The following PCF11 variants were observed in gnomAD, a reference collection of about 807,000 sequenced individuals.
PCF11 encodes PCF11 cleavage and polyadenylation factor subunit, also known as pre-mRNA cleavage complex 2 protein Pcf11.
A neutral mutation model predicts 166.1 loss-of-function variants in PCF11; 19 were observed. The ratio of observed to expected loss-of-function variants is 0.11; its 90% confidence interval spans 0.08 to 0.17. The LOEUF (loss-of-function observed/expected upper bound fraction) is 0.17, where lower values mean the gene tolerates loss of function less well. Ranked by LOEUF, PCF11 falls within the 10% of genes least tolerant of loss-of-function variation. The probability of loss-of-function intolerance (pLI) is 1.00; values close to 1 mark genes in which losing one functional copy is unlikely to be tolerated. For missense variants in PCF11, 1,565 were observed against 1,855.5 expected, an observed-to-expected ratio of 0.84 and a Z score of 2.88; for synonymous variants, 663 against 644.1, an observed-to-expected ratio of 1.03 and a Z score of -0.44.
At chr11:83,184,791 A>C (rs906144124) in exon 16 of PCF11, 1 of 1,610,060 alleles carries the variant, frequency 6.2e-7, no homozygotes, top group Non-Finnish European at 8.5e-7. Flanking sequence ...GACAGTCCCA[A>C]AGTTAAGGAA....
rs139072782 is a variant in PCF11 at position 83,161,519 on chromosome 11, T to G, written c.318+67T>G. The G allele has an allele frequency of 1.7e-3, 2,086 of 1,256,188 alleles. 31 individuals are homozygous for G. The African/African-American group carries it at 0.03, about 18-fold the overall frequency. 77.8% of individuals were successfully genotyped at this position (1,256,188 alleles called of 1,614,324 possible). The stretch of plus-strand genomic sequence containing the variant: ...ATGTGTTCCTGATTAAATAAATATT[T>G]GCTTTGTGTTGGGTTTTCTTGGGTG... On this transcript the variant is annotated intron_variant, in intron 2 of 15. Coordinates refer to ENST00000298281, the Ensembl canonical transcript of PCF11.
chr11:83,177,087 G>T, exon 10 of PCF11: 1 of 1,479,146 alleles, frequency 6.8e-7, no homozygotes, highest in Admixed American at 2.7e-5. Context: ...TTTGTTAGGA[G>T]CCCTCCCTAA....
chr11:83,164,468 G>A (rs1283961870), intron 4 of PCF11, 67 bp downstream of exon 4: 2 of 1,164,308 alleles, frequency 1.7e-6, no homozygotes, highest in South Asian at 1.5e-5. Flanking sequence ...TAATGTTTAT[G>A]TTTGAATTTT....
Position 83,184,856 on chromosome 11 carries a change from G to T in PCF11, c.4630G>T (p.Glu1544Ter). 6.4e-7 allele frequency: 1 copy of T among 1,572,518 alleles called. No individual in the cohort carries two copies. The highest frequency in any genetic ancestry group is 8.6e-7 in the Non-Finnish European group (1 of 1,167,200). ...AGAGGAAAGCATAGCAACACCCTCT[G>T]AAATTAAAACAGAAAATGACACAGT... The change falls in exon 16 of 16, where the codon GAA (glutamate) becomes TAA (stop). Residue 1544 changes from glutamate to a stop codon, truncating the protein, a stop_gained. Transcript: ENST00000298281. LOFTEE classifies it high-confidence loss of function.
chr11:83,159,835 C>A (rs1860160346), intron 1 of PCF11, among the ~76,000 whole-genome samples: 2 of 152,096 alleles, frequency 1.3e-5, no homozygotes. Context: ...TTTGACTCCT[C>A]CCAAGAGAGA....
exon 8 of PCF11, chr11:83,169,409 G>A (rs2135428765): frequency 1.2e-6 from 2 of 1,613,812 alleles, no homozygotes; most frequent in East Asian, 4.5e-5. Flanking sequence ...GGGCCTCTGG[G>A]TCAAGGTGGT....
chr11:83,182,078 A>G (rs950266822), intron 13 of PCF11, 69 bp downstream of exon 13: 3 of 1,218,498 alleles, frequency 2.5e-6, no homozygotes, highest in Admixed American at 5.3e-5. Context: ...AAATACTCAT[A>G]AACACATCAC....
chr11:83,177,038 A>C, intron 9 of PCF11, 47 bp from the exon 10 acceptor site: 1 of 1,363,070 alleles, frequency 7.3e-7, no homozygotes. Flanking sequence ...TAAGTTCTAC[A>C]TTCACTTCAA....
At chr11:83,157,790 C>G (rs1860051117) in intron 1 of PCF11, 159 bp downstream of exon 1, 4 of 650,504 alleles carry the variant, frequency 6.1e-6, no homozygotes, top group Middle Eastern at 2.6e-4. Context: ...GCCCAGGCTT[C>G]GAGCATGGGC....
chr11:83,162,057 T>C (rs1327014393), intron 2 of PCF11, among the ~76,000 whole-genome samples: 1 of 152,232 alleles, frequency 6.6e-6, no homozygotes, highest in Non-Finnish European at 1.5e-5. Context: ...TTAGGCTTAT[T>C]TTTCATATCT....
exon 16 of PCF11, chr11:83,184,694 T>C (rs751705373): frequency 1.2e-6 from 2 of 1,610,710 alleles, no homozygotes; most frequent in African/African-American, 1.3e-5. Flanking sequence ...TTCATTTGAT[T>C]GTACACCATC....
At chr11:83,185,417 T>TTAA (rs945731528) in exon 16 of PCF11, 2 of 151,616 alleles carry the variant, frequency 1.3e-5, no homozygotes, top group Non-Finnish European at 2.9e-5. Flanking sequence ...TTTGAAAAAA[T>TTAA]TTTAAAGATA....
chr11:83,163,805 C>A, exon 3 of PCF11: 1 of 1,592,584 alleles, frequency 6.3e-7, no homozygotes, highest in Non-Finnish European at 8.6e-7. Context: ...GCCTATTAAA[C>A]CTCTACCCCC....
At chr11:83,176,581 C>T (rs1860888838) in intron 9 of PCF11, among the ~76,000 whole-genome samples, 1 of 151,560 alleles carries the variant, frequency 6.6e-6, no homozygotes, top group Non-Finnish European at 1.5e-5. Context: ...CAAACTATCA[C>T]AAGGGCAGAA....
chr11:83,169,678 A>G, exon 8 of PCF11: 10 of 1,614,022 alleles, frequency 6.2e-6, no homozygotes, highest in Non-Finnish European at 8.5e-6. Context: ...TCAAGGCACA[A>G]GATTTGACAA....
At chr11:83,165,056 C>T (rs1195242795) in intron 4 of PCF11, among the ~76,000 whole-genome samples, 1 of 152,166 alleles carries the variant, frequency 6.6e-6, no homozygotes, top group Admixed American at 6.5e-5. Flanking sequence ...TGAGCTTATG[C>T]TCCATGAACA....
At chr11:83,164,216 C>T in exon 4 of PCF11, 1 of 1,606,534 alleles carries the variant, frequency 6.2e-7, no homozygotes, top group Non-Finnish European at 8.5e-7. Flanking sequence ...GCCCGAGGAG[C>T]CTTCAACACC....
intron 4 of PCF11, 103 bp downstream of exon 4, chr11:83,164,504 T>C: frequency 2.6e-6 from 2 of 782,182 alleles, no homozygotes; most frequent in Non-Finnish European, 2.0e-6. Flanking sequence ...TTATTAATAG[T>C]GTACTCTTTT....
chr11:83,165,989 G>T (rs769982897), exon 5 of PCF11: 1 of 1,596,248 alleles, frequency 6.3e-7, no homozygotes, highest in Non-Finnish European at 8.5e-7. Context: ...ATTCTAAATC[G>T]AAATCGAAAT....
Sources: allele counts gnomAD v4.1 joint callset (sites outside exome capture counted in the v4.1 genomes callset), GRCh38; gene constraint gnomAD v4.1.1; transcripts MANE v1.5; gene names NCBI Gene and HGNC (gene_info 2026-07-23, HGNC 2026-07-21).